The following GPC6 variants were observed in gnomAD, a reference collection of about 807,000 sequenced individuals.
GPC6 encodes the protein glypican-6.
A neutral mutation model predicts 55.2 loss-of-function variants in GPC6; 14 were observed. The ratio of observed to expected loss-of-function variants is 0.25; its 90% CI spans 0.17 to 0.40. The LOEUF (loss-of-function observed/expected upper bound fraction) is 0.40. GPC6 is among the 10% of genes least tolerant of loss of function. The pLI, the probability that GPC6 is intolerant of heterozygous loss-of-function variation, is 1.00. For synonymous variants in GPC6, 278 were observed against 259.6 expected (o/e 1.07, Z -0.68); for missense variants, 641 against 708.5 (o/e 0.90, Z 1.08).
intron 6 of GPC6, among the ~76,000 whole-genome samples, chr13:94,332,237 CAAG>C (rs1297559203): frequency 6.6e-6 from 1 of 152,222 alleles, no homozygotes; most frequent in East Asian, 1.9e-4. Context: ...CTTATGAGGC[CAAG>C]AAGTTGGTCA....
intron 4 of GPC6, among the ~76,000 whole-genome samples, chr13:94,041,632 C>T (rs1164020543): frequency 6.6e-6 from 1 of 151,772 alleles, no homozygotes; most frequent in Non-Finnish European, 1.5e-5. Flanking sequence ...TGGACGATCA[C>T]TTAAAATGAA....
intron 4 of GPC6, among the ~76,000 whole-genome samples, chr13:94,042,403 A>G (rs1883574937): frequency 6.6e-6 from 1 of 151,904 alleles, no homozygotes; most frequent in Non-Finnish European, 1.5e-5. Flanking sequence ...AATTGATATA[A>G]TACTATTAAC....
chr13:93,342,073 G>T (rs1411298098), intron 1 of GPC6, among the ~76,000 whole-genome samples: 1 of 151,938 alleles, frequency 6.6e-6, no homozygotes, highest in Admixed American at 6.6e-5. Context: ...GTTTCACCGT[G>T]TTAGCCAGGA....
At chr13:93,847,636 A>G (rs1306793329) in intron 3 of GPC6, among the ~76,000 whole-genome samples, 3 of 152,156 alleles carry the variant, frequency 2.0e-5, no homozygotes, top group Non-Finnish European at 4.4e-5. Context: ...AGTTAACCAA[A>G]TTGACATTCA....
rs550843637 is a variant in GPC6 at position 93,253,333 on chromosome 13, T to C, written c.160+25717T>C. On this transcript the variant is annotated intron_variant, in intron 1 of 8. Coordinates refer to ENST00000377047, the MANE Select transcript of GPC6 (RefSeq NM_005708.5). Reference sequence around the variant, plus strand: ...TGAATAATAAATTGTGCTTCTGGAATGTACATAGAAACCACTTGTAATTTT... The same window carrying C: ...TGAATAATAAATTGTGCTTCTGGAACGTACATAGAAACCACTTGTAATTTT... Among the ~76,000 whole-genome samples the C allele has an allele frequency of 1.1e-4, 17 of 152,356 alleles. 1 individual carries two copies. The South Asian group carries it at 2.9e-3, about 26-fold the overall frequency.
At chr13:94,284,349 T>C (rs1892471073) in intron 4 of GPC6, among the ~76,000 whole-genome samples, 1 of 152,152 alleles carries the variant, frequency 6.6e-6, no homozygotes, top group Non-Finnish European at 1.5e-5. Flanking sequence ...CCTCAAAAAA[T>C]ATTGGAGGAG....
At chr13:94,024,424 C>G (rs1882816260) in intron 3 of GPC6, among the ~76,000 whole-genome samples, 2 of 152,076 alleles carry the variant, frequency 1.3e-5, no homozygotes. Flanking sequence ...GCAACATTTT[C>G]AGAAGCTTAC....
chr13:93,833,104 T>TGAGAGAGA (rs1555334989), intron 3 of GPC6, among the ~76,000 whole-genome samples: 1 of 61,604 alleles, frequency 1.6e-5, no homozygotes, highest in Admixed American at 2.3e-4. Flanking sequence ...GATAGGTAGA[T>TGAGAGAGA]GATAGAGAGA....
intron 6 of GPC6, among the ~76,000 whole-genome samples, chr13:94,316,633 C>T (rs1312180962): frequency 6.7e-6 from 1 of 149,150 alleles, no homozygotes; most frequent in Non-Finnish European, 1.5e-5. Flanking sequence ...AGGAGAATGG[C>T]GTGAACCCGG....
chr13:93,272,343 A>G (rs1877559215), intron 1 of GPC6, among the ~76,000 whole-genome samples: 1 of 151,890 alleles, frequency 6.6e-6, no homozygotes, highest in Non-Finnish European at 1.5e-5. Context: ...CATGATATAT[A>G]AATTTATTTT....
chr13:93,288,052 A>T (rs1187242695), intron 1 of GPC6, among the ~76,000 whole-genome samples: 2 of 152,186 alleles, frequency 1.3e-5, no homozygotes, highest in African/African-American at 4.8e-5. Flanking sequence ...GTCCCTTTTA[A>T]TAAAATGTAT....
chr13:93,985,652 A>G (rs987778890), intron 3 of GPC6, among the ~76,000 whole-genome samples: 4 of 127,922 alleles, frequency 3.1e-5, no homozygotes, highest in Admixed American at 1.0e-4. Flanking sequence ...TAATTGTGCC[A>G]CTGCACTCCA....
Position 94,055,681 on chromosome 13 carries a change from A to T in GPC6, c.877+27787A>T, listed in dbSNP as rs78156559. The stretch of plus-strand genomic sequence containing the variant: ...GTAATTGTTGGATGTAGTCAAATAA[A>T]GTTTTTGCAACCTGGAATTTACTGA... On this transcript the variant is annotated intron_variant, in intron 4 of 8. Transcript: ENST00000377047. 7.6e-3 allele frequency among the ~76,000 whole-genome samples: 1,152 copies of T among 152,316 alleles called. 16 individuals are homozygous for T. The highest frequency in any genetic ancestry group is 0.026 in the African/African-American group (1,063 of 41,566).
At chr13:94,387,106 T>A (rs9589990) in intron 7 of GPC6, among the ~76,000 whole-genome samples, 6,897 of 152,272 alleles carry the variant, frequency 0.045, 492 homozygotes, top group African/African-American at 0.16. Flanking sequence ...GTATGGGTGC[T>A]GTGGCAGTCT....
At position 93,616,673 on chromosome 13, in the gene GPC6, T is replaced by C. The variant is rs547661732; in HGVS notation, c.319+71252T>C. On this transcript the variant is annotated intron_variant, in intron 2 of 8. Coordinates refer to ENST00000377047, the MANE Select transcript of GPC6 (RefSeq NM_005708.5). ...CAGGCAAGAACCATCCTAAATAATA[T>C]ATCAGTCATTTCTTGAAGTAGCAAG... 2.6e-5 allele frequency among the ~76,000 whole-genome samples: 4 copies of C among 152,194 alleles called. No individual in the cohort carries two copies. In the East Asian group the frequency reaches 7.7e-4, roughly 29 times the overall value.
At chr13:94,051,051 A>G (rs1415734) in intron 4 of GPC6, among the ~76,000 whole-genome samples, 95,688 of 152,012 alleles carry the variant, frequency 0.63, 30,790 homozygotes, top group Middle Eastern at 0.77. Context: ...TCCATCACAT[A>G]TATAAGTTCT....
intron 2 of GPC6, among the ~76,000 whole-genome samples, chr13:93,774,430 G>C (rs1885397490): frequency 1.3e-5 from 2 of 152,056 alleles, no homozygotes; most frequent in Non-Finnish European, 2.9e-5. Context: ...TTTTTAACTT[G>C]ATCAGGAGAT....
At chr13:93,963,658 A>T (rs767577869) in intron 3 of GPC6, among the ~76,000 whole-genome samples, 6 of 152,336 alleles carry the variant, frequency 3.9e-5, no homozygotes, top group Admixed American at 1.3e-4. Flanking sequence ...CATCTCCGTT[A>T]GACAGATGGT....
At chr13:93,741,785 C>T (rs1884211484) in intron 2 of GPC6, among the ~76,000 whole-genome samples, 1 of 152,136 alleles carries the variant, frequency 6.6e-6, no homozygotes. Flanking sequence ...GTTAGCATGA[C>T]CTACTTGTTG....
Sources: gnomAD v4.1 joint callset for allele counts (sites outside exome capture counted in the v4.1 genomes callset) on GRCh38, gnomAD v4.1.1 for gene constraint, MANE v1.5 for transcripts, NCBI Gene and HGNC (gene_info 2026-07-23, HGNC 2026-07-21) for gene names.